NEBL: variants seen among roughly 807,000 people sequenced by gnomAD.
The protein encoded by NEBL is nebulette.
In NEBL, 122 loss-of-function variants were observed where a neutral mutation model predicts 140.2. The ratio of observed to expected loss-of-function variants is 0.87; its 90% CI spans 0.75 to 1.01. NEBL has a LOEUF of 1.01. Ranked by LOEUF, NEBL falls within the 50% of genes least tolerant of loss-of-function variation. The probability of loss-of-function intolerance (pLI) is 0.00; values close to 1 mark genes in which losing one functional copy is unlikely to be tolerated. For synonymous variants in NEBL, 436 were observed against 398.9 expected (o/e 1.09, Z -1.11); for missense variants, 1,365 against 1,231.3 (o/e 1.11, Z -1.62).
At chr10:21,013,149 G>C (rs1838413243) in intron 3 of NEBL, among the ~76,000 whole-genome samples, 1 of 152,160 alleles carries the variant, frequency 6.6e-6, no homozygotes, top group Non-Finnish European at 1.5e-5. Context: ...GCAAAGGTTG[G>C]AGTTAACATC....
intron 2 of NEBL, among the ~76,000 whole-genome samples, chr10:21,140,057 A>G (rs993566700): frequency 2.0e-5 from 3 of 151,724 alleles, no homozygotes; most frequent in African/African-American, 7.3e-5. Context: ...GCTACTCTGG[A>G]GACTGAGGCA....
intron 1 of NEBL, among the ~76,000 whole-genome samples, chr10:21,270,827 C>T (rs1842852330): frequency 2.0e-5 from 3 of 152,124 alleles, no homozygotes; most frequent in African/African-American, 4.8e-5. Context: ...ATTCACACAA[C>T]GTATGGATAT....
At chr10:20,792,755 G>T (rs762479739) in intron 26 of NEBL, among the ~76,000 whole-genome samples, 1 of 151,518 alleles carries the variant, frequency 6.6e-6, no homozygotes, top group Non-Finnish European at 1.5e-5. Flanking sequence ...AGCTGAGATC[G>T]TGCCTTTTCA....
At chr10:20,953,365 G>A (rs1835599845) in intron 4 of NEBL, among the ~76,000 whole-genome samples, 1 of 152,096 alleles carries the variant, frequency 6.6e-6, no homozygotes, top group African/African-American at 2.4e-5. Flanking sequence ...TGCAAGCCAG[G>A]AAGAGAGCCC....
chr10:20,833,866 T>C (rs1206617417), intron 14 of NEBL, among the ~76,000 whole-genome samples: 2 of 152,140 alleles, frequency 1.3e-5, no homozygotes, highest in African/African-American at 4.8e-5. Flanking sequence ...GGCTTAGGAC[T>C]AGGGTGGCAA....
chr10:21,142,005 G>T (rs1018768649), intron 2 of NEBL, among the ~76,000 whole-genome samples: 1 of 152,082 alleles, frequency 6.6e-6, no homozygotes, highest in Non-Finnish European at 1.5e-5. Context: ...CCTGCCCCTG[G>T]TATCCAAACA....
At chr10:21,121,433 C>G (rs1464146908) in intron 2 of NEBL, among the ~76,000 whole-genome samples, 1 of 152,110 alleles carries the variant, frequency 6.6e-6, no homozygotes, top group Non-Finnish European at 1.5e-5. Context: ...TCAACAATCA[C>G]AGTATAATTC....
At chr10:21,080,629 T>C (rs1256268621) in intron 2 of NEBL, among the ~76,000 whole-genome samples, 5 of 152,272 alleles carry the variant, frequency 3.3e-5, no homozygotes, top group African/African-American at 1.2e-4. Context: ...GCAGCTCTGG[T>C]TGCTTTTAAC....
intron 2 of NEBL, among the ~76,000 whole-genome samples, chr10:21,043,069 C>T (rs1834341923): frequency 6.6e-6 from 1 of 152,168 alleles, no homozygotes; most frequent in African/African-American, 2.4e-5. Context: ...CTCCCTGTAA[C>T]CTACTTATAC....
chr10:20,946,980 A>C (rs1354766906), intron 4 of NEBL, among the ~76,000 whole-genome samples: 1 of 152,188 alleles, frequency 6.6e-6, no homozygotes, highest in African/African-American at 2.4e-5. Flanking sequence ...GACTGACTCC[A>C]AAGAATTTGG....
rs551125091 is a variant in NEBL, at chr10:20,854,091, T to C, written c.904-1442A>G. On this transcript the variant is annotated intron_variant, in intron 9 of 27. Coordinates refer to ENST00000377122, the MANE Select transcript of NEBL (RefSeq NM_006393.3). ...TTTCATGATTTCTATCATTGGAGAT[T>C]GGACACTTTGTTATTTTGCCTTATT... Among the ~76,000 whole-genome samples, 5 of 152,324 alleles carry C rather than the reference T, an allele frequency of 3.3e-5. No individual in the cohort carries two copies. The South Asian group carries it at 1.0e-3, about 32-fold the overall frequency.
chr10:20,786,716 C>T (rs1285471056), intron 27 of NEBL, among the ~76,000 whole-genome samples: 1 of 152,110 alleles, frequency 6.6e-6, no homozygotes, highest in Non-Finnish European at 1.5e-5. Context: ...GCATGAGAAG[C>T]CAAGTATAAC....
intron 3 of NEBL, among the ~76,000 whole-genome samples, chr10:20,973,376 T>C (rs1030517836): frequency 3.3e-4 from 50 of 151,882 alleles, no homozygotes; most frequent in African/African-American, 1.2e-3. Flanking sequence ...GCCCCCGGCA[T>C]AGCTAGGACT....
At chr10:20,852,491 G>T (rs1842642322) in intron 10 of NEBL, 54 bp downstream of exon 10, 9 of 1,234,972 alleles carry the variant, frequency 7.3e-6, no homozygotes, top group Non-Finnish European at 1.1e-5. Flanking sequence ...CGGGCCTCAG[G>T]ATGGTTACGG....
At chr10:21,061,428 A>T (rs1835297618) in intron 2 of NEBL, among the ~76,000 whole-genome samples, 1 of 148,184 alleles carries the variant, frequency 6.7e-6, no homozygotes, top group Non-Finnish European at 1.5e-5. Context: ...CATATATTGC[A>T]TGGTGTATGA....
chr10:20,942,300 C>G (rs1235446711), intron 4 of NEBL, among the ~76,000 whole-genome samples: 1 of 152,200 alleles, frequency 6.6e-6, no homozygotes, highest in African/African-American at 2.4e-5. Flanking sequence ...CTACAACCAT[C>G]TGTTCTTTGA....
intron 4 of NEBL, among the ~76,000 whole-genome samples, chr10:20,957,376 A>G (rs1364781997): frequency 6.6e-6 from 1 of 152,196 alleles, no homozygotes; most frequent in Non-Finnish European, 1.5e-5. Context: ...ACTTTTTGGT[A>G]TACTTTTTTA....
At chr10:20,890,094 T>C (rs1180138717) in intron 2 of NEBL, 145 bp from the exon 3 acceptor site, 9 of 615,196 alleles carry the variant, frequency 1.5e-5, no homozygotes, top group Non-Finnish European at 2.3e-5. Context: ...CCAAGTTAAA[T>C]AAACGGCTAT....
At chr10:20,974,359 T>G (rs1836705196) in intron 3 of NEBL, among the ~76,000 whole-genome samples, 1 of 151,238 alleles carries the variant, frequency 6.6e-6, no homozygotes, top group Non-Finnish European at 1.5e-5. Flanking sequence ...GCTCAAGCGA[T>G]CCTCCCATCT....
Sources: allele counts gnomAD v4.1 joint callset (sites outside exome capture counted in the v4.1 genomes callset), GRCh38; gene constraint gnomAD v4.1.1; transcripts MANE v1.5; gene names NCBI Gene and HGNC (gene_info 2026-07-23, HGNC 2026-07-21).